P4HA2: variants seen among roughly 807,000 people sequenced by gnomAD.
P4HA2 encodes the protein prolyl 4-hydroxylase subunit alpha-2.
A neutral mutation model predicts 76.9 loss-of-function variants in P4HA2; 46 were observed. The ratio of observed to expected loss-of-function variants is 0.60; its 90% CI spans 0.47 to 0.76. P4HA2 has a LOEUF of 0.76. P4HA2 is among the 30% of genes least tolerant of loss of function. The probability of loss-of-function intolerance (pLI) is 0.00; values close to 1 mark genes in which losing one functional copy is unlikely to be tolerated. For synonymous variants in P4HA2, 243 were observed against 254.0 expected, an observed-to-expected ratio of 0.96 and a Z score of 0.41; for missense variants, 583 against 669.4, an observed-to-expected ratio of 0.87 and a Z score of 1.42.
At position 132,208,034 on chromosome 5, in the gene P4HA2, G is replaced by C. The variant is rs568571935; in HGVS notation, c.904-150C>G. The stretch of plus-strand genomic sequence containing the variant: ...AGAAAACAAAAGTCCCAGCAGGTGG[G>C]CATGCACAGTGGCTCATGCCTGTAA... On this transcript the variant is annotated intron_variant, in intron 7 of 14. Transcript: ENST00000360568. 82 of 604,032 alleles carry C rather than the reference G, an allele frequency of 1.4e-4. 1 individual carries two copies. In the South Asian group the frequency reaches 1.8e-3, roughly 14 times the overall value. The allele number at this position is 604,032 out of a possible 1,614,324, so 37.4% of individuals were successfully genotyped here.
rs149554918 is a variant in P4HA2, at chr5:132,218,720, T to C, written c.-18-76A>G. On this transcript the variant is annotated intron_variant, in intron 1 of 14. Coordinates refer to ENST00000360568, the MANE Select transcript of P4HA2 (RefSeq NM_001017974.2). ...ATTTAGGTGAGGAGACACATAGGCA[T>C]GTACACACATATGCAGATAATCAAA... 3.9e-4 allele frequency: 323 copies of C among 824,584 alleles called. 4 individuals carry two copies. The East Asian group carries it at 8.1e-3, about 21-fold the overall frequency. The allele number at this position is 824,584 out of a possible 1,614,324, so 51.1% of individuals were successfully genotyped here.
chr5:132,208,426 AGGGG>A (rs1752552881), intron 7 of P4HA2, among the ~76,000 whole-genome samples: 4 of 2,530 alleles, frequency 1.6e-3, no homozygotes, highest in African/African-American at 5.5e-3. Context: ...GGAGGGGGGG[AGGGG>A]AGGAGAGGGG....
intron 6 of P4HA2, among the ~76,000 whole-genome samples, chr5:132,209,676 G>A (rs781766155): frequency 8.0e-5 from 12 of 150,328 alleles, no homozygotes; most frequent in Non-Finnish European, 1.5e-4. Context: ...CTGGGAGGCT[G>A]AGGCAGGAAA....
intron 8 of P4HA2, among the ~76,000 whole-genome samples, chr5:132,207,220 TG>T (rs1752325881): frequency 6.6e-6 from 1 of 152,160 alleles, no homozygotes; most frequent in Non-Finnish European, 1.5e-5. Flanking sequence ...ACTTAAGAAA[TG>T]TTCAAGGCTT....
rs175091 is a variant in P4HA2, at chr5:132,208,278, G to C, written c.904-394C>G. On this transcript the variant is annotated intron_variant, in intron 7 of 14. Coordinates refer to ENST00000360568, the MANE Select transcript of P4HA2 (RefSeq NM_001017974.2). ...ACTGCACACCAGCCTGGGCGACAGG[G>C]TGAGACGAAAGAAAGAAAAGAAAAG... Among the ~76,000 whole-genome samples, 3 of 146,014 alleles carry C rather than the reference G, an allele frequency of 2.1e-5. No homozygotes were observed. In the East Asian group the frequency reaches 6.1e-4, roughly 29 times the overall value.
Position 132,210,533 on chromosome 5 carries a change from G to A in P4HA2, c.470-10C>T. 6.2e-7 allele frequency: 1 copy of A among 1,613,776 alleles called. No homozygotes were observed. Among genetic ancestry groups the A allele is most frequent in the South Asian group, 1.1e-5 (1 of 91,052 alleles). On this transcript the variant is annotated splice_polypyrimidine_tract_variant and intron_variant, in intron 5 of 14. Coordinates refer to ENST00000360568, the MANE Select transcript of P4HA2 (RefSeq NM_001017974.2). ...GCCTGGTACTTGGTTCCTACAGCAGGGGAAGTAAATTGTCAGGCTCCAAAG... is the reference window on the plus strand; with the variant it reads ...GCCTGGTACTTGGTTCCTACAGCAGAGGAAGTAAATTGTCAGGCTCCAAAG...
chr5:132,208,259 C>T (rs1186882565), intron 7 of P4HA2, among the ~76,000 whole-genome samples: 3 of 147,292 alleles, frequency 2.0e-5, no homozygotes, highest in African/African-American at 7.6e-5. Flanking sequence ...TACCACTGCA[C>T]ACCAGCCTGG....
intron 4 of P4HA2, among the ~76,000 whole-genome samples, chr5:132,216,378 C>A (rs1213527449): frequency 6.6e-6 from 1 of 152,088 alleles, no homozygotes; most frequent in Admixed American, 6.6e-5. Context: ...CTTCTAGGAA[C>A]TTACCCTAAA....
At chr5:132,225,252 ATGTACT>A (rs936456206) in intron 1 of P4HA2, among the ~76,000 whole-genome samples, 34 of 152,126 alleles carry the variant, frequency 2.2e-4, no homozygotes, top group African/African-American at 8.2e-4. Context: ...CTGGGCTTGC[ATGTACT>A]TGCATCACAG....
chr5:132,216,352 C>A (rs904570358), intron 4 of P4HA2, among the ~76,000 whole-genome samples: 2 of 152,110 alleles, frequency 1.3e-5, no homozygotes, highest in Admixed American at 6.6e-5. Context: ...AGTTCACACT[C>A]TCATCGGTAA....
chr5:132,202,032 G>C (rs1362404613), intron 10 of P4HA2: 1 of 152,188 alleles, frequency 6.6e-6, no homozygotes, highest in African/African-American at 2.4e-5. Flanking sequence ...GCTCCAAGAA[G>C]ATATGAATCA....
At chr5:132,195,768 A>C in intron 12 of P4HA2, 1 of 483,674 alleles carries the variant, frequency 2.1e-6, no homozygotes, top group Non-Finnish European at 3.8e-6. Flanking sequence ...GTCTGTACTC[A>C]GAAAATGCCT....
chr5:132,215,758 G>T (rs1365986409), intron 4 of P4HA2, among the ~76,000 whole-genome samples: 1 of 148,800 alleles, frequency 6.7e-6, no homozygotes, highest in Non-Finnish European at 1.5e-5. Context: ...ATCACGTGAG[G>T]CCAGGAGTCC....
At position 132,207,902 on chromosome 5, in the gene P4HA2, A is replaced by G; in HGVS notation, c.904-18T>C. On this transcript the variant is annotated intron_variant, in intron 7 of 14. Transcript: ENST00000360568. ...CGGGGTGTCTGGAAAGCACAGAGTA[A>G]CAGGCCCTGAGCTGAGTGAGTCCTA... 6.5e-7 allele frequency: 1 copy of G among 1,550,304 alleles called. No individual in the cohort carries two copies. The highest frequency in any genetic ancestry group is 8.7e-7 in the Non-Finnish European group (1 of 1,149,526).
chr5:132,207,199 C>T (rs1248186166), intron 8 of P4HA2, among the ~76,000 whole-genome samples: 6 of 151,958 alleles, frequency 3.9e-5, no homozygotes, highest in African/African-American at 1.4e-4. Context: ...AAAGAAACTA[C>T]CAAGGAATAA....
At chr5:132,209,457 G>T in intron 6 of P4HA2, 126 bp from the exon 7 acceptor site, 2 of 788,112 alleles carry the variant, frequency 2.5e-6, no homozygotes, top group Non-Finnish European at 2.1e-6. Context: ...ACCTTCCACA[G>T]CATCTAACCA....
At chr5:132,205,095 C>G (rs909568167) in intron 8 of P4HA2, among the ~76,000 whole-genome samples, 1 of 152,226 alleles carries the variant, frequency 6.6e-6, no homozygotes, top group Non-Finnish European at 1.5e-5. Context: ...TGAGACATGG[C>G]CCCTGCACTC....
chr5:132,217,928 G>A (rs1383779473), intron 2 of P4HA2, 80 bp from the exon 3 acceptor site: 1 of 807,700 alleles, frequency 1.2e-6, no homozygotes, highest in Non-Finnish European at 2.1e-6. Flanking sequence ...CAGAATACCA[G>A]CACAGAAGCA....
At position 132,194,952 on chromosome 5, in the gene P4HA2, C is replaced by A. The variant is rs750689869; in HGVS notation, c.1505G>T (p.Cys502Phe). 1 of 1,613,104 alleles carries A rather than the reference C, an allele frequency of 6.2e-7. No homozygotes were observed. Among genetic ancestry groups the A allele is most frequent in the Non-Finnish European group, 8.5e-7 (1 of 1,179,042 alleles). The change falls in exon 14 of 15, where the codon TGC becomes TTC. Residue 502 changes from cysteine to phenylalanine, a missense_variant. Cys to Phe is a radical substitution (Grantham distance 205). Coordinates refer to ENST00000360568, the MANE Select transcript of P4HA2 (RefSeq NM_001017974.2). ...CCACTTGCAGCCCACAAGCACAGGGCAGGCAGCATGTCTTGTTCGGTAGTC... is the reference window on the plus strand; with the variant it reads ...CCACTTGCAGCCCACAAGCACAGGGAAGGCAGCATGTCTTGTTCGGTAGTC... ...EGDYRTRHAA[C>F]PVLVGCKWVS...
Sources: gnomAD v4.1 joint callset for allele counts (sites outside exome capture counted in the v4.1 genomes callset) on GRCh38, gnomAD v4.1.1 for gene constraint, MANE v1.5 for transcripts, NCBI Gene and HGNC (gene_info 2026-07-23, HGNC 2026-07-21) for gene names.